The following SESN3 variants were observed in gnomAD, a reference collection of about 807,000 sequenced individuals.
SESN3 encodes the protein sestrin-3.
SESN3 carries 21 observed loss-of-function variants against 55.3 expected under a neutral mutation model. That is an observed-to-expected ratio of 0.38 (90% CI 0.27 to 0.55). SESN3 has a LOEUF of 0.55. Among genes scored for constraint, SESN3 ranks in the 20% least tolerant of loss-of-function variants. The probability of loss-of-function intolerance (pLI) is 0.76; values close to 1 mark genes in which losing one functional copy is unlikely to be tolerated. For missense variants in SESN3, 408 were observed against 604.3 expected, an observed-to-expected ratio of 0.68 and a Z score of 3.41; for synonymous variants, 181 against 203.1, an observed-to-expected ratio of 0.89 and a Z score of 0.93.
rs149748330 is a variant in SESN3 at position 95,176,403 on chromosome 11, G to A, written c.1248-761C>T. On this transcript the variant is annotated intron_variant, in intron 8 of 9. Coordinates refer to ENST00000536441, the MANE Select transcript of SESN3 (RefSeq NM_144665.4). ...TCTTTAAAGATGGGAGAAATTAAGT[G>A]TGTTTCAATGCTGATGGGAAAGATC... Among the ~76,000 whole-genome samples, 21 of 152,338 alleles carry A rather than the reference G, an allele frequency of 1.4e-4. No individual in the cohort carries two copies. The East Asian group carries it at 3.9e-3, about 28-fold the overall frequency.
rs117029778 is a variant in SESN3, at chr11:95,228,383, C to T, written c.78+2400G>A. 5.1e-3 allele frequency among the ~76,000 whole-genome samples: 783 copies of T among 152,300 alleles called. 2 individuals are homozygous for T. Among genetic ancestry groups the T allele is most frequent in the Non-Finnish European group, 6.9e-3 (471 of 68,010 alleles). On this transcript the variant is annotated intron_variant, in intron 1 of 9. Coordinates refer to ENST00000536441, the MANE Select transcript of SESN3 (RefSeq NM_144665.4). Reference sequence around the variant, plus strand: ...ACACTGGATGAGCATGAGTTTCATTCTTCCATTATGAATTAGACTGAACAA... The same window carrying T: ...ACACTGGATGAGCATGAGTTTCATTTTTCCATTATGAATTAGACTGAACAA...
chr11:95,180,127 C>T (rs1208311604), intron 6 of SESN3, among the ~76,000 whole-genome samples: 1 of 151,888 alleles, frequency 6.6e-6, no homozygotes, highest in Admixed American at 6.6e-5. Flanking sequence ...TAGCTATTTC[C>T]CTGAAAGGAA....
chr11:95,195,992 A>T (rs1394502727), intron 1 of SESN3, among the ~76,000 whole-genome samples: 1 of 152,162 alleles, frequency 6.6e-6, no homozygotes, highest in African/African-American at 2.4e-5. Flanking sequence ...TGTTTTTAAT[A>T]GTGTTGAGGG....
chr11:95,224,413 T>C lies in SESN3; in HGVS notation c.78+6370A>G, dbSNP rs145300733. ...AGAGGAAAACAACTGACAACAATCA[T>C]TGTCAGTGATAAAAAGAATGGTCAG... On this transcript the variant is annotated intron_variant, in intron 1 of 9. Transcript: ENST00000536441. The C allele has an allele frequency of 1.4e-3, 603 of 421,066 alleles. 4 individuals are homozygous for C. The highest frequency in any genetic ancestry group is 0.011 in the African/African-American group (540 of 48,302). The allele number at this position is 421,066 out of a possible 1,614,324, so 26.1% of individuals were successfully genotyped here.
In SESN3 at chr11:95,230,098, A is replaced by AG. The variant is rs137885988; in HGVS notation, c.78+684dup. 0.096 allele frequency: 14,515 copies of AG among 151,980 alleles called. 835 individuals are homozygous for AG. The highest frequency in any genetic ancestry group is 0.15 in the African/African-American group (6,029 of 41,244). The allele number at this position is 151,980 out of a possible 1,614,324, so 9.4% of individuals were successfully genotyped here. ...CATTTTTCTGGATCAACACGGGGGC[A>AG]GGGGGGTGCTAAGGAGGAATAACCC... On this transcript the variant is annotated intron_variant, in intron 1 of 9. Coordinates refer to ENST00000536441, the MANE Select transcript of SESN3 (RefSeq NM_144665.4). The surrounding 1 kb of genome is among the most constrained non-coding windows in gnomAD (Gnocchi z 4.6).
intron 1 of SESN3, among the ~76,000 whole-genome samples, chr11:95,223,621 G>A (rs1380749159): frequency 1.3e-5 from 2 of 152,142 alleles, no homozygotes; most frequent in Non-Finnish European, 2.9e-5. Flanking sequence ...TGAAAAGGTG[G>A]TAGACAGCAT....
chr11:95,198,152 C>T (rs946783285), intron 1 of SESN3, among the ~76,000 whole-genome samples: 2 of 152,168 alleles, frequency 1.3e-5, no homozygotes, highest in Middle Eastern at 3.2e-3. Context: ...ATCCTTTCCA[C>T]ACCCCCTACT....
chr11:95,203,971 C>T (rs1016447327), intron 1 of SESN3: 1 of 153,272 alleles, frequency 6.5e-6, no homozygotes, highest in African/African-American at 2.4e-5. Flanking sequence ...ACATCCTCAT[C>T]CAGTACGACT....
rs569627180 is a variant in SESN3 at position 95,167,309 on chromosome 11, A to G, written c.*5946T>C. 1 of 152,280 alleles carries G rather than the reference A, an allele frequency of 6.6e-6. No individual in the cohort carries two copies. Among genetic ancestry groups the G allele is most frequent in the East Asian group, 1.9e-4 (1 of 5,188 alleles). 9.4% of individuals were successfully genotyped at this position (152,280 alleles called of 1,614,324 possible). On this transcript the variant is annotated 3_prime_UTR_variant, in exon 10 of 10. Coordinates refer to ENST00000536441, the MANE Select transcript of SESN3 (RefSeq NM_144665.4). The stretch of plus-strand genomic sequence containing the variant: ...TAGACTGTTCTAGCAAAATTTACAT[A>G]ACAAAAATTCTATTCATCTTATTTA...
rs1305598471 is a variant in SESN3 at position 95,167,262 on chromosome 11, T to TAA, written c.*5991_*5992dup. ...TTATACATTCATTTTTTTAAGAGGT[T>TAA]AACTTGAGGGGTGCAAGAAAATAGA... On this transcript the variant is annotated 3_prime_UTR_variant, in exon 10 of 10. Coordinates refer to ENST00000536441, the MANE Select transcript of SESN3 (RefSeq NM_144665.4). 1 of 152,156 alleles carries TAA rather than the reference T, an allele frequency of 6.6e-6. No individual in the cohort carries two copies. Among genetic ancestry groups the TAA allele is most frequent in the African/African-American group, 2.4e-5 (1 of 41,434 alleles). 9.4% of individuals were successfully genotyped at this position (152,156 alleles called of 1,614,324 possible).
chr11:95,185,015 A>G (rs1023564847), intron 5 of SESN3, among the ~76,000 whole-genome samples: 38 of 152,074 alleles, frequency 2.5e-4, no homozygotes, highest in African/African-American at 7.2e-4. Flanking sequence ...TTAAAAGCCT[A>G]TGATCACTAG....
Position 95,185,292 on chromosome 11 carries a change from G to C in SESN3, c.726C>G (p.Asn242Lys). The C allele has an allele frequency of 6.2e-7, 1 of 1,612,354 alleles. No homozygotes were observed. Among genetic ancestry groups the C allele is most frequent in the Non-Finnish European group, 8.5e-7 (1 of 1,178,620 alleles). Reference protein sequence around the residue: ...FCVCDLANDNNIENASLSGSN... With the variant: ...FCVCDLANDNKIENASLSGSN... ...TGCCTGAAAGAGATGCATTCTCTAT[G>C]TTGTTGTCATTAGCAAGATCACAAA... Residue 242 changes from asparagine (N) to lysine (K), a missense_variant, in exon 5 of 10, where the codon AAC becomes AAG. Physicochemically the swap from Asn to Lys is moderately conservative, Grantham distance 94. Coordinates refer to ENST00000536441, the MANE Select transcript of SESN3 (RefSeq NM_144665.4).
intron 4 of SESN3, among the ~76,000 whole-genome samples, chr11:95,186,194 C>CTCTGTGTGTGTGTGTGTG (rs1363097937): frequency 1.9e-5 from 2 of 107,552 alleles, no homozygotes; most frequent in East Asian, 2.9e-4. Context: ...CTATCTCTCA[C>CTCTGTGTGTGTGTGTGTG]TGTGTGTGTG....
chr11:95,175,526 T>C lies in SESN3; in HGVS notation c.1364A>G (p.Tyr455Cys), dbSNP rs983687176. Residue 455 changes from tyrosine (Y) to cysteine (C), a missense_variant, in exon 9 of 10, where the codon TAC (tyrosine) becomes TGC (cysteine). This residue lies in a region of SESN3 where 121 missense variants were observed against 204.9 expected (regional missense o/e 0.59). Coordinates refer to ENST00000536441, the MANE Select transcript of SESN3 (RefSeq NM_144665.4). ...ERTTKRMYDS[Y>C]WRQFKHSEKV... ...TTCTGAGTGTTTGAACTGCCGCCAG[T>C]AACTATCATACATGCGTTTTGTAGT... 1.2e-6 allele frequency: 2 copies of C among 1,614,022 alleles called. No homozygotes were observed. The highest frequency in any genetic ancestry group is 1.1e-5 in the South Asian group (1 of 91,080).
rs1429087140 is a variant in SESN3 at position 95,173,213 on chromosome 11, A to G, written c.*42T>C. On this transcript the variant is annotated 3_prime_UTR_variant, in exon 10 of 10. Transcript: ENST00000536441. Reference sequence around the variant, plus strand: ...ATAGCTTCAATGTTTATCTTATGTGAAAGGTCTTTACACATGTATGACATT... The same window carrying G: ...ATAGCTTCAATGTTTATCTTATGTGGAAGGTCTTTACACATGTATGACATT... The G allele has an allele frequency of 8.7e-7, 1 of 1,146,936 alleles. No homozygotes were observed. The highest frequency in any genetic ancestry group is 2.4e-5 in the East Asian group (1 of 42,018). The allele number at this position is 1,146,936 out of a possible 1,614,324, so 71.0% of individuals were successfully genotyped here. A position where few individuals can be genotyped will look rare whatever the true frequency, so the allele number is the denominator to read the frequency against.
intron 1 of SESN3, among the ~76,000 whole-genome samples, chr11:95,194,133 T>G (rs1860317262): frequency 6.6e-6 from 1 of 152,106 alleles, no homozygotes; most frequent in African/African-American, 2.4e-5. Context: ...TATGTCTGAA[T>G]GCTGATTTTT....
chr11:95,201,582 T>C (rs536030055), intron 1 of SESN3, among the ~76,000 whole-genome samples: 158 of 152,072 alleles, frequency 1.0e-3, no homozygotes, highest in Non-Finnish European at 1.9e-3. Flanking sequence ...GACAAGCTTC[T>C]AAAAACAAAA....
chr11:95,210,334 C>A (rs549253470), intron 1 of SESN3, among the ~76,000 whole-genome samples: 41 of 152,290 alleles, frequency 2.7e-4, no homozygotes, highest in African/African-American at 9.9e-4. Flanking sequence ...GTTCTTCTTG[C>A]ACATGTATCC....
At chr11:95,228,503 T>C (rs1463448784) in intron 1 of SESN3, among the ~76,000 whole-genome samples, 2 of 152,242 alleles carry the variant, frequency 1.3e-5, no homozygotes. Context: ...TTGAGAGTTA[T>C]AGATGACTTT....
Sources: allele counts gnomAD v4.1 joint callset (sites outside exome capture counted in the v4.1 genomes callset), GRCh38; gene constraint gnomAD v4.1.1; regional missense constraint gnomAD v4.1.1; non-coding constraint Gnocchi (gnomAD v3.1); transcripts MANE v1.5; gene names NCBI Gene and HGNC (gene_info 2026-07-23, HGNC 2026-07-21).